Variants in RORA observed in about 807,000 individuals in gnomAD.
RORA encodes nuclear receptor ROR-alpha.
RORA carries 7 observed loss-of-function variants against 69.5 expected under a neutral mutation model. The observed-to-expected ratio is 0.10, with a 90% CI of 0.06 to 0.19. RORA has a LOEUF of 0.19. RORA is among the 10% of genes least tolerant of loss of function. The probability of loss-of-function intolerance (pLI) is 1.00; values close to 1 mark genes in which losing one functional copy is unlikely to be tolerated. For synonymous variants in RORA, 261 were observed against 240.8 expected, an observed-to-expected ratio of 1.08 and a Z score of -0.78; for missense variants, 457 against 663.0, an observed-to-expected ratio of 0.69 and a Z score of 3.41.
chr15:60,648,302 CA>C (rs2070089109), intron 2 of RORA, among the ~76,000 whole-genome samples: 1 of 152,134 alleles, frequency 6.6e-6, no homozygotes, highest in African/African-American at 2.4e-5. Context: ...CTAATTATAT[CA>C]ATATTGGATG....
intron 2 of RORA, among the ~76,000 whole-genome samples, chr15:60,599,102 G>T (rs1050809932): frequency 3.9e-5 from 6 of 152,212 alleles, no homozygotes; most frequent in Non-Finnish European, 8.8e-5. Flanking sequence ...TGTAAGTCAA[G>T]AATAAGAGTG....
At chr15:60,745,707 G>C (rs1344584180) in intron 1 of RORA, among the ~76,000 whole-genome samples, 3 of 152,228 alleles carry the variant, frequency 2.0e-5, no homozygotes. Flanking sequence ...AGCCATGCCT[G>C]TAGACATGGC....
intron 1 of RORA, among the ~76,000 whole-genome samples, chr15:60,924,227 T>C (rs1892139159): frequency 6.6e-6 from 1 of 151,660 alleles, no homozygotes; most frequent in African/African-American, 2.4e-5. Flanking sequence ...ATGTGACCAA[T>C]ATAGGTGCTG....
At chr15:60,723,364 C>G (rs1343373303) in intron 1 of RORA, among the ~76,000 whole-genome samples, 1 of 150,242 alleles carries the variant, frequency 6.7e-6, no homozygotes, top group African/African-American at 2.5e-5. Flanking sequence ...AAATGTGATC[C>G]TATCAAAACC....
intron 1 of RORA, among the ~76,000 whole-genome samples, chr15:60,723,129 T>G (rs1357893720): frequency 6.6e-6 from 1 of 152,232 alleles, no homozygotes; most frequent in East Asian, 1.9e-4. Context: ...AAGAATTTTA[T>G]GTATTATTTA....
intron 1 of RORA, among the ~76,000 whole-genome samples, chr15:60,864,989 T>C (rs1425267989): frequency 6.6e-6 from 1 of 152,212 alleles, no homozygotes; most frequent in Non-Finnish European, 1.5e-5. Flanking sequence ...GTAGTAGGCA[T>C]CCACTTTTAC....
At chr15:60,551,824 T>C (rs1326453526) in intron 2 of RORA, among the ~76,000 whole-genome samples, 1 of 152,236 alleles carries the variant, frequency 6.6e-6, no homozygotes, top group East Asian at 1.9e-4. Flanking sequence ...GTTACCAAGC[T>C]TGGGCAAGAC....
intron 1 of RORA, among the ~76,000 whole-genome samples, chr15:61,187,064 G>A (rs1414087521): frequency 1.3e-5 from 2 of 152,248 alleles, no homozygotes; most frequent in African/African-American, 4.8e-5. Flanking sequence ...GAAGTGTGGA[G>A]AAATATTCAT....
At chr15:61,143,297 CAG>C (rs749429833) in intron 1 of RORA, among the ~76,000 whole-genome samples, 40 of 152,086 alleles carry the variant, frequency 2.6e-4, no homozygotes, top group Non-Finnish European at 4.6e-4. Context: ...TTAAATCCTA[CAG>C]AGAGATGTAA....
intron 1 of RORA, among the ~76,000 whole-genome samples, chr15:60,837,921 G>T (rs1337615718): frequency 6.6e-6 from 1 of 152,212 alleles, no homozygotes; most frequent in African/African-American, 2.4e-5. Context: ...CCTCCTTCAT[G>T]TCTGTGTCCT....
chr15:60,920,373 T>A (rs989553433), intron 1 of RORA, among the ~76,000 whole-genome samples: 1 of 152,196 alleles, frequency 6.6e-6, no homozygotes, highest in Non-Finnish European at 1.5e-5. Context: ...CGTCAAAGAA[T>A]AAGTAGATCT....
At chr15:61,092,536 A>G (rs1167635327) in intron 1 of RORA, among the ~76,000 whole-genome samples, 2 of 152,232 alleles carry the variant, frequency 1.3e-5, no homozygotes, top group Admixed American at 6.5e-5. Flanking sequence ...TATGCCCCAT[A>G]ACACTACATG....
intron 1 of RORA, among the ~76,000 whole-genome samples, chr15:61,069,479 TAGGATGCAGCGTCC>T (rs1221317268): frequency 1.3e-5 from 2 of 152,096 alleles, no homozygotes; most frequent in Non-Finnish European, 2.9e-5. Flanking sequence ...AATAAAGGCA[TAGGATGCAGCGTCC>T]AGGGAAAGAG....
intron 1 of RORA, among the ~76,000 whole-genome samples, chr15:61,033,215 G>A (rs1285677918): frequency 6.6e-6 from 1 of 152,110 alleles, no homozygotes; most frequent in Non-Finnish European, 1.5e-5. Context: ...AACAGGAGAG[G>A]CAAAGCGGGT....
intron 1 of RORA, among the ~76,000 whole-genome samples, chr15:60,825,224 T>C (rs2072940779): frequency 6.6e-6 from 1 of 152,134 alleles, no homozygotes; most frequent in South Asian, 2.1e-4. Context: ...CTGGCCACAA[T>C]CCATCACTGC....
chr15:61,173,695 AC>A (rs1349182845), intron 1 of RORA, among the ~76,000 whole-genome samples: 1 of 152,164 alleles, frequency 6.6e-6, no homozygotes, highest in Admixed American at 6.5e-5. Flanking sequence ...CTGCTCTGCC[AC>A]CCAGGCTGGA....
At chr15:60,516,163 ATATATATATTTATATATATATT>A (rs2065924443) in intron 3 of RORA, among the ~76,000 whole-genome samples, 3 of 30,882 alleles carry the variant, frequency 9.7e-5, no homozygotes, top group Non-Finnish European at 1.5e-4. Context: ...ATATATATTT[ATATATATATTTATATATATATT>A]TATATATATA....
At chr15:60,675,837 G>A (rs2070544835) in intron 2 of RORA, among the ~76,000 whole-genome samples, 3 of 152,118 alleles carry the variant, frequency 2.0e-5, no homozygotes, top group Admixed American at 2.0e-4. Context: ...TGACACTCTG[G>A]TCTGATAATA....
intron 3 of RORA, chr15:60,528,219 C>G (rs1330523556): frequency 6.6e-6 from 1 of 152,228 alleles, no homozygotes; most frequent in Admixed American, 6.5e-5. Flanking sequence ...CCATGCCTAG[C>G]CAGTTTTTTT....
Sources: gnomAD v4.1 joint callset for allele counts (sites outside exome capture counted in the v4.1 genomes callset) on GRCh38, gnomAD v4.1.1 for gene constraint, MANE v1.5 for transcripts, NCBI Gene and HGNC (gene_info 2026-07-23, HGNC 2026-07-21) for gene names.